The following ECPAS variants were observed in gnomAD, a reference collection of about 807,000 sequenced individuals.
ECPAS encodes proteasome adapter and scaffold protein ECM29.
In ECPAS, 70 loss-of-function variants were observed where a neutral mutation model predicts 255.1. The observed-to-expected ratio is 0.27, with a 90% CI of 0.23 to 0.33. The LOEUF (loss-of-function observed/expected upper bound fraction) is 0.33. Among genes scored for constraint, ECPAS ranks in the 10% least tolerant of loss-of-function variants. ECPAS has a pLI of 1.00. For missense variants in ECPAS, 1,817 were observed against 2,206.4 expected, an observed-to-expected ratio of 0.82 and a Z score of 3.54; for synonymous variants, 784 against 775.0, an observed-to-expected ratio of 1.01 and a Z score of -0.19.
intron 9 of ECPAS, among the ~76,000 whole-genome samples, chr9:111,429,627 C>T (rs1333073445): frequency 2.0e-5 from 3 of 152,298 alleles, no homozygotes; most frequent in Non-Finnish European, 2.9e-5. Context: ...ATTCCCAATT[C>T]ATTGTTATTT....
intron 2 of ECPAS, among the ~76,000 whole-genome samples, chr9:111,466,616 TACACACACACAC>T (rs55763374): frequency 4.5e-4 from 65 of 143,502 alleles, no homozygotes; most frequent in African/African-American, 8.3e-4. Context: ...AATAACTAAA[TACACACACACAC>T]ACACACACAC....
At chr9:111,416,836 G>C (rs999594429) in intron 17 of ECPAS, among the ~76,000 whole-genome samples, 3 of 152,286 alleles carry the variant, frequency 2.0e-5, no homozygotes, top group African/African-American at 4.8e-5. Context: ...GGCAAAGTGG[G>C]ACAGAGTCAA....
At chr9:111,482,027 G>C (rs1348466262) in intron 1 of ECPAS, among the ~76,000 whole-genome samples, 2 of 152,204 alleles carry the variant, frequency 1.3e-5, no homozygotes, top group Non-Finnish European at 2.9e-5. Context: ...TGGTGGTGAT[G>C]ATTACACAAC....
At chr9:111,400,169 T>C (rs2098173611) in intron 24 of ECPAS, among the ~76,000 whole-genome samples, 1 of 152,324 alleles carries the variant, frequency 6.6e-6, no homozygotes, top group South Asian at 2.1e-4. Flanking sequence ...TATCTAGGTA[T>C]CTGTAAGAGT....
intron 42 of ECPAS, 57 bp from the exon 43 acceptor site, chr9:111,371,886 CT>C: frequency 6.9e-7 from 1 of 1,452,074 alleles, no homozygotes; most frequent in South Asian, 1.2e-5. Flanking sequence ...ACTGATTTTT[CT>C]AAACCTGAAA....
intron 6 of ECPAS, among the ~76,000 whole-genome samples, chr9:111,438,243 T>C (rs1355955136): frequency 6.6e-6 from 1 of 152,220 alleles, no homozygotes; most frequent in African/African-American, 2.4e-5. Context: ...TTAACAAATA[T>C]AAAAAGAAGT....
At chr9:111,452,616 T>C (rs974629137) in intron 2 of ECPAS, among the ~76,000 whole-genome samples, 1 of 152,206 alleles carries the variant, frequency 6.6e-6, no homozygotes, top group Non-Finnish European at 1.5e-5. Context: ...AGAATTACTA[T>C]TGTGTTTGCC....
At position 111,423,318 on chromosome 9, in the gene ECPAS, C is replaced by T. The variant is rs2098216963; in HGVS notation, c.1216-70G>A. ...CAGACAAAACAAAAAATACAGTAAA[C>T]AGTAAAACCTTTTCGCTGCAATTAC... On this transcript the variant is annotated intron_variant, in intron 12 of 49. Transcript: ENST00000684092. 3 of 1,079,762 alleles carry T rather than the reference C, an allele frequency of 2.8e-6. No homozygotes were observed. In the African/African-American group the frequency reaches 4.8e-5, roughly 17 times the overall value. The allele number at this position is 1,079,762 out of a possible 1,614,324, so 66.9% of individuals were successfully genotyped here.
chr9:111,435,868 T>A (rs1033225035), intron 7 of ECPAS, among the ~76,000 whole-genome samples: 12 of 146,434 alleles, frequency 8.2e-5, no homozygotes, highest in Non-Finnish European at 7.5e-5. Context: ...TTTTTTTTTT[T>A]AAGAAGAAAC....
rs1589114242 is a variant in ECPAS, at chr9:111,372,417, C to G, written c.4528+12G>C. 1 of 1,610,524 alleles carries G rather than the reference C, an allele frequency of 6.2e-7. No individual in the cohort carries two copies. The highest frequency in any genetic ancestry group is 2.2e-5 in the East Asian group (1 of 44,826). On this transcript the variant is annotated intron_variant, in intron 42 of 49. Coordinates refer to ENST00000684092, the MANE Select transcript of ECPAS (RefSeq NM_001364929.1). ...CCTAAGAAGCAGGTTTAACTCAGGC[C>G]ACACTACTAACCAGGTACGTTTTCC...
rs2098128772 is a variant in ECPAS at position 111,372,567 on chromosome 9, T to C, written c.4390A>G (p.Ser1464Gly). The C allele has an allele frequency of 1.2e-6, 2 of 1,613,652 alleles. No homozygotes were observed. Among genetic ancestry groups the C allele is most frequent in the Non-Finnish European group, 1.7e-6 (2 of 1,179,798 alleles). Residue 1464 changes from serine to glycine, a missense_variant, in exon 42 of 50, where the codon AGC (serine) becomes GGC (glycine). Around this residue, in one of 4 missense-constraint regions of ECPAS, gnomAD observed 960 missense variants for 1,179.0 expected, o/e 0.81. Coordinates refer to ENST00000684092, the MANE Select transcript of ECPAS (RefSeq NM_001364929.1). ...GCATGATTCTTTAATACATCAGGGCTGTATCGTCCAATAGCATGAATAGTC... is the reference window on the plus strand; with the variant it reads ...GCATGATTCTTTAATACATCAGGGCCGTATCGTCCAATAGCATGAATAGTC... ...ALTIHAIGRY[S>G]PDVLKNHAKE... is the part of the protein sequence containing the mutation.
chr9:111,434,962 A>T (rs952847964), intron 7 of ECPAS, among the ~76,000 whole-genome samples: 3 of 139,708 alleles, frequency 2.1e-5, no homozygotes, highest in Non-Finnish European at 4.5e-5. Context: ...GTCATGGCAC[A>T]ATGTCAGCTC....
intron 45 of ECPAS, among the ~76,000 whole-genome samples, chr9:111,369,457 G>T (rs529213985): frequency 6.6e-6 from 1 of 152,140 alleles, no homozygotes; most frequent in Non-Finnish European, 1.5e-5. Context: ...ATTAGAATCA[G>T]ATTTTAAAGA....
chr9:111,432,449 A>C (rs1387781975), intron 8 of ECPAS, among the ~76,000 whole-genome samples: 3 of 152,094 alleles, frequency 2.0e-5, no homozygotes, highest in Non-Finnish European at 4.4e-5. Context: ...TCCCATTTCT[A>C]CCAAAAATAC....
At chr9:111,362,613 C>A (rs1329413447) in intron 49 of ECPAS, among the ~76,000 whole-genome samples, 1 of 152,024 alleles carries the variant, frequency 6.6e-6, no homozygotes, top group Non-Finnish European at 1.5e-5. Context: ...AGATGACACT[C>A]CCTTTTCTTC....
intron 32 of ECPAS, among the ~76,000 whole-genome samples, chr9:111,385,998 C>G (rs2098147752): frequency 6.6e-6 from 1 of 152,318 alleles, no homozygotes; most frequent in South Asian, 2.1e-4. Flanking sequence ...CTCATTCTGT[C>G]GCCCAGGCTG....
chr9:111,441,311 C>G (rs2098245707), intron 5 of ECPAS, among the ~76,000 whole-genome samples: 1 of 152,022 alleles, frequency 6.6e-6, no homozygotes, highest in South Asian at 2.1e-4. Flanking sequence ...CAAGACCAGC[C>G]TGGCCAACAT....
chr9:111,479,171 T>C (rs1285210185), intron 1 of ECPAS, among the ~76,000 whole-genome samples: 1 of 152,170 alleles, frequency 6.6e-6, no homozygotes, highest in Non-Finnish European at 1.5e-5. Flanking sequence ...TGAGGAATAA[T>C]ACATACAAAG....
At chr9:111,374,270 G>A (rs1421640966) in intron 38 of ECPAS, among the ~76,000 whole-genome samples, 2 of 152,020 alleles carry the variant, frequency 1.3e-5, no homozygotes, top group African/African-American at 4.8e-5. Flanking sequence ...AAAGAAAACT[G>A]GTACAATCTT....
Sources: gnomAD v4.1 joint callset for allele counts (sites outside exome capture counted in the v4.1 genomes callset) on GRCh38, gnomAD v4.1.1 for gene constraint, gnomAD v4.1.1 regional missense constraint, MANE v1.5 for transcripts, NCBI Gene and HGNC (gene_info 2026-07-23, HGNC 2026-07-21) for gene names.